The following DENND5B variants were observed in gnomAD, a reference collection of about 807,000 sequenced individuals.
The protein encoded by DENND5B is DENN domain-containing protein 5B.
Under a neutral mutation model 140.6 loss-of-function variants are expected in DENND5B, and 34 were observed. The observed-to-expected ratio is 0.24, with a 90% CI of 0.18 to 0.32. DENND5B has a LOEUF of 0.32. DENND5B is among the 10% of genes least tolerant of loss of function. The pLI is 1.00. For synonymous variants in DENND5B, 551 were observed against 562.1 expected (o/e 0.98, Z 0.28); for missense variants, 1,142 against 1,560.2 (o/e 0.73, Z 4.52).
chr12:31,580,959 G>T (rs546180623), intron 1 of DENND5B, among the ~76,000 whole-genome samples: 17 of 151,876 alleles, frequency 1.1e-4, no homozygotes, highest in African/African-American at 4.1e-4. Flanking sequence ...TTTTTAATCA[G>T]TCAGGCATAG....
intron 1 of DENND5B, among the ~76,000 whole-genome samples, chr12:31,544,195 A>G (rs1948777118): frequency 6.6e-6 from 1 of 152,260 alleles, no homozygotes. Flanking sequence ...TAAATATGTA[A>G]TAAGTAACTT....
intron 2 of DENND5B, among the ~76,000 whole-genome samples, chr12:31,485,622 G>C (rs1946270343): frequency 1.3e-5 from 2 of 152,182 alleles, no homozygotes; most frequent in African/African-American, 4.8e-5. Flanking sequence ...GACAGATTTG[G>C]CCTGGGGGCC....
At chr12:31,555,952 TG>T (rs1949264855) in intron 1 of DENND5B, among the ~76,000 whole-genome samples, 1 of 152,248 alleles carries the variant, frequency 6.6e-6, no homozygotes, top group Admixed American at 6.5e-5. Context: ...AGGTGCCCTC[TG>T]TCACTGCTTT....
chr12:31,391,122 A>G (rs1268907659), intron 19 of DENND5B, among the ~76,000 whole-genome samples: 1 of 152,132 alleles, frequency 6.6e-6, no homozygotes, highest in African/African-American at 2.4e-5. Context: ...AATGACCTAG[A>G]AGGCCCTACA....
intron 5 of DENND5B, among the ~76,000 whole-genome samples, chr12:31,449,983 A>G (rs975567838): frequency 1.3e-5 from 2 of 152,140 alleles, no homozygotes; most frequent in Non-Finnish European, 2.9e-5. Flanking sequence ...CGCCCGCCTC[A>G]GCCTCCCAAA....
intron 1 of DENND5B, among the ~76,000 whole-genome samples, chr12:31,562,792 A>C (rs1949519116): frequency 6.6e-6 from 1 of 152,208 alleles, no homozygotes; most frequent in Admixed American, 6.5e-5. Flanking sequence ...GCTCTGTAAT[A>C]ACTTTAATTA....
intron 3 of DENND5B, among the ~76,000 whole-genome samples, chr12:31,470,844 A>C (rs986836335): frequency 1.4e-4 from 22 of 152,158 alleles, no homozygotes; most frequent in African/African-American, 5.3e-4. Context: ...GTTTGGGAAG[A>C]GGGACAATGA....
chr12:31,456,606 C>A (rs1408187999), intron 4 of DENND5B, among the ~76,000 whole-genome samples: 2 of 152,182 alleles, frequency 1.3e-5, no homozygotes, highest in Non-Finnish European at 2.9e-5. Context: ...AACTGTTTGG[C>A]AAATGAAAGA....
At chr12:31,444,927 A>C (rs1320004638) in intron 6 of DENND5B, among the ~76,000 whole-genome samples, 1 of 152,218 alleles carries the variant, frequency 6.6e-6, no homozygotes, top group Non-Finnish European at 1.5e-5. Flanking sequence ...TACATAAAAG[A>C]CATCATTTAC....
chr12:31,392,836 C>T (rs1304682304), intron 17 of DENND5B, 140 bp from the exon 18 acceptor site: 4 of 779,308 alleles, frequency 5.1e-6, no homozygotes, highest in Non-Finnish European at 7.9e-6. Context: ...TAGAACTTGC[C>T]TCTGGCCTGT....
chr12:31,497,396 G>A (rs1946799855), intron 1 of DENND5B, among the ~76,000 whole-genome samples: 1 of 151,968 alleles, frequency 6.6e-6, no homozygotes, highest in Non-Finnish European at 1.5e-5. Flanking sequence ...TTCATTTCTA[G>A]AAGAGAAATT....
chr12:31,563,575 G>A (rs940017528), intron 1 of DENND5B, among the ~76,000 whole-genome samples: 3 of 152,072 alleles, frequency 2.0e-5, no homozygotes, highest in East Asian at 3.9e-4. Context: ...GCAGTCTTAC[G>A]AACTTTGAGT....
Position 31,394,307 on chromosome 12 carries a change from A to G in DENND5B, c.3257-1611T>C, listed in dbSNP as rs569645661. On this transcript the variant is annotated intron_variant, in intron 17 of 20. Transcript: ENST00000389082. ...ATACTGTGAGAAAATACCGTTATCCATTTCTGAGTCTTGGGTCATTTAGAC... is the reference window on the plus strand; with the variant it reads ...ATACTGTGAGAAAATACCGTTATCCGTTTCTGAGTCTTGGGTCATTTAGAC... Among the ~76,000 whole-genome samples the G allele has an allele frequency of 7.2e-4, 109 of 152,046 alleles. 1 individual carries two copies. In the South Asian group the frequency reaches 7.5e-3, roughly 10 times the overall value.
intron 12 of DENND5B, 57 bp downstream of exon 12, chr12:31,415,310 C>T: frequency 1.4e-6 from 2 of 1,383,324 alleles, no homozygotes; most frequent in South Asian, 1.4e-5. Flanking sequence ...TAGTTAAAAG[C>T]CACAAAATAC....
intron 1 of DENND5B, among the ~76,000 whole-genome samples, chr12:31,527,902 CACAACGTGGGATAGTCTGCAAG>C (rs2139056037): frequency 6.6e-6 from 1 of 152,222 alleles, no homozygotes; most frequent in East Asian, 1.9e-4. Context: ...CAGGTAATTC[CACAACGTGGGATAGTCTGCAAG>C]ACAATATGCC....
intron 19 of DENND5B, among the ~76,000 whole-genome samples, chr12:31,390,927 A>C (rs992032163): frequency 6.6e-6 from 1 of 151,898 alleles, no homozygotes; most frequent in Non-Finnish European, 1.5e-5. Flanking sequence ...GGGGCAGGAG[A>C]ACCGCTTGAA....
chr12:31,481,252 C>T (rs1316442789), intron 2 of DENND5B, among the ~76,000 whole-genome samples: 1 of 152,058 alleles, frequency 6.6e-6, no homozygotes. Context: ...CCCACATCCC[C>T]ACATTACCAA....
chr12:31,507,977 T>G (rs1947268140), intron 1 of DENND5B, among the ~76,000 whole-genome samples: 1 of 152,248 alleles, frequency 6.6e-6, no homozygotes, highest in Non-Finnish European at 1.5e-5. Context: ...CCAATGTATT[T>G]CTGGGAAAGC....
intron 8 of DENND5B, among the ~76,000 whole-genome samples, chr12:31,427,197 C>A (rs186148960): frequency 2.6e-5 from 4 of 152,230 alleles, no homozygotes; most frequent in Admixed American, 2.6e-4. Flanking sequence ...TAAGGTATCA[C>A]AGAAACTTAA....
Sources: gnomAD v4.1 joint callset for allele counts (sites outside exome capture counted in the v4.1 genomes callset) on GRCh38, gnomAD v4.1.1 for gene constraint, MANE v1.5 for transcripts, NCBI Gene and HGNC (gene_info 2026-07-23, HGNC 2026-07-21) for gene names.